The following C1QTNF2 variants were observed in gnomAD, a reference collection of about 807,000 sequenced individuals.
C1QTNF2 encodes the protein C1q and TNF related 2, also known as complement C1q tumor necrosis factor-related protein 2.
In C1QTNF2, 15 loss-of-function variants were observed where a neutral mutation model predicts 17.4. The observed-to-expected ratio is 0.86, with a 90% confidence interval of 0.58 to 1.33. C1QTNF2 has a LOEUF of 1.33. Among genes scored for constraint, C1QTNF2 ranks in the 40% most tolerant of loss-of-function variants. C1QTNF2 has a pLI of 0.00. For missense variants in C1QTNF2, 381 were observed against 392.3 expected (o/e 0.97, Z 0.24); for synonymous variants, 154 against 163.3 (o/e 0.94, Z 0.44).
chr5:160,367,090 A>G (rs1157117114), intron 1 of C1QTNF2, among the ~76,000 whole-genome samples: 1 of 152,082 alleles, frequency 6.6e-6, no homozygotes, highest in Non-Finnish European at 1.5e-5. Flanking sequence ...TTAAAAAGCT[A>G]TGGAACATGC....
intron 1 of C1QTNF2, among the ~76,000 whole-genome samples, chr5:160,367,713 G>A (rs780896068): frequency 6.6e-5 from 10 of 152,054 alleles, no homozygotes; most frequent in African/African-American, 2.2e-4. Flanking sequence ...GTGTTGTCAC[G>A]GTGCCCCACG....
intron 1 of C1QTNF2, among the ~76,000 whole-genome samples, chr5:160,362,765 G>A (rs1764177739): frequency 6.6e-6 from 1 of 152,124 alleles, no homozygotes; most frequent in Non-Finnish European, 1.5e-5. Context: ...TGAAGACTGG[G>A]GTCCCAGTCC....
At chr5:160,365,992 G>A (rs1230150168) in intron 1 of C1QTNF2, among the ~76,000 whole-genome samples, 1 of 152,164 alleles carries the variant, frequency 6.6e-6, no homozygotes, top group East Asian at 1.9e-4. Context: ...GGGAACAGGT[G>A]GTGTTTGGTT....
intron 1 of C1QTNF2, 56 bp from the exon 2 acceptor site, chr5:160,355,076 G>C (rs1764022826): frequency 7.4e-6 from 11 of 1,477,448 alleles, no homozygotes. Flanking sequence ...CTGACCTGGG[G>C]CTGGTCAGAG....
Position 160,356,103 on chromosome 5 carries a change from C to T in C1QTNF2, c.-9-1083G>A, listed in dbSNP as rs568483009. ...CTACTCCCTGCCCTCACTATGCATA[C>T]GCAGAAACTGAGACCCAGAGCAGAA... On this transcript the variant is annotated intron_variant, in intron 1 of 2. Transcript: ENST00000652664. Among the ~76,000 whole-genome samples, 10 of 152,356 alleles carry T rather than the reference C, an allele frequency of 6.6e-5. No individual in the cohort carries two copies. The South Asian group carries it at 1.7e-3, about 25-fold the overall frequency.
intron 1 of C1QTNF2, among the ~76,000 whole-genome samples, chr5:160,355,725 G>A (rs1764036090): frequency 1.3e-5 from 2 of 152,238 alleles, no homozygotes; most frequent in African/African-American, 4.8e-5. Context: ...GGGCCTGTGG[G>A]CCGCATGCAC....
At chr5:160,354,449 T>G (rs1763987649) in intron 2 of C1QTNF2, among the ~76,000 whole-genome samples, 1 of 151,470 alleles carries the variant, frequency 6.6e-6, no homozygotes. Context: ...AATGGTGGCA[T>G]GCATCTGTAA....
intron 2 of C1QTNF2, among the ~76,000 whole-genome samples, chr5:160,354,402 A>AC (rs1763987098): frequency 6.6e-6 from 1 of 150,636 alleles, no homozygotes; most frequent in Admixed American, 6.6e-5. Context: ...ACATGGTGAA[A>AC]CCCCCTCTCT....
intron 1 of C1QTNF2, among the ~76,000 whole-genome samples, chr5:160,367,653 C>G (rs900860194): frequency 2.6e-5 from 4 of 152,162 alleles, no homozygotes; most frequent in African/African-American, 7.2e-5. Flanking sequence ...CTTCCAGCCT[C>G]TAGGGATCGT....
At position 160,348,925 on chromosome 5, in the gene C1QTNF2, C is replaced by T; in HGVS notation, c.*243G>A. 1.0e-5 allele frequency: 5 copies of T among 484,766 alleles called. No homozygotes were observed. The highest frequency in any genetic ancestry group is 1.4e-5 in the Non-Finnish European group (4 of 277,978). The allele number at this position is 484,766 out of a possible 1,614,324, so 30.0% of individuals were successfully genotyped here. A position where few individuals can be genotyped will look rare whatever the true frequency, so the allele number is the denominator to read the frequency against. ...TACTCTGTCTTGTCCACTGCTGCAT[C>T]TTTCAGAGAATAGCATAGTGCCTGT... On this transcript the variant is annotated 3_prime_UTR_variant, in exon 3 of 3. Transcript: ENST00000652664.
chr5:160,362,797 G>A (rs1362225876), intron 1 of C1QTNF2, among the ~76,000 whole-genome samples: 1 of 152,106 alleles, frequency 6.6e-6, no homozygotes, highest in African/African-American at 2.4e-5. Flanking sequence ...CTTACTGATC[G>A]CGTGACTGTG....
chr5:160,365,360 G>T (rs1764228060), intron 1 of C1QTNF2, among the ~76,000 whole-genome samples: 1 of 152,188 alleles, frequency 6.6e-6, no homozygotes, highest in Non-Finnish European at 1.5e-5. Context: ...GTGAACCCAA[G>T]AACTTCCATG....
intron 1 of C1QTNF2, among the ~76,000 whole-genome samples, chr5:160,366,799 G>A (rs1764254847): frequency 6.8e-6 from 1 of 147,524 alleles, no homozygotes; most frequent in African/African-American, 2.4e-5. Context: ...CAAAGCAGGT[G>A]GAGTGCCTGA....
intron 1 of C1QTNF2, among the ~76,000 whole-genome samples, chr5:160,357,099 A>C (rs1764065419): frequency 6.6e-6 from 1 of 152,158 alleles, no homozygotes; most frequent in Admixed American, 6.5e-5. Flanking sequence ...GGCCCGCCCC[A>C]GTCGTGAAAC....
In C1QTNF2 at chr5:160,370,614, C is replaced by G. The variant is rs766542748; in HGVS notation, c.-112G>C. Reference sequence around the variant, plus strand: ...CAGCGGCAGCAGCCGGGCAGAGCGTCGGCCCCAGGCATAGTTTTCCCATCC... The same window carrying G: ...CAGCGGCAGCAGCCGGGCAGAGCGTGGGCCCCAGGCATAGTTTTCCCATCC... On this transcript the variant is annotated 5_prime_UTR_variant, in exon 1 of 3. Coordinates refer to ENST00000652664, the MANE Select transcript of C1QTNF2 (RefSeq NM_031908.6). The G allele has an allele frequency of 2.0e-5, 29 of 1,445,870 alleles. No individual in the cohort carries two copies. The highest frequency in any genetic ancestry group is 2.9e-5 in the Admixed American group (1 of 34,650). The allele number at this position is 1,445,870 out of a possible 1,614,324, so 89.6% of individuals were successfully genotyped here.
At chr5:160,363,661 G>T (rs1764194917) in intron 1 of C1QTNF2, among the ~76,000 whole-genome samples, 1 of 152,196 alleles carries the variant, frequency 6.6e-6, no homozygotes. Flanking sequence ...GTATAACGTG[G>T]TGGGCAGTGG....
At chr5:160,354,593 AAAAAGTATATATATAT>A (rs1561822743) in intron 2 of C1QTNF2, among the ~76,000 whole-genome samples, 159 bp downstream of exon 2, 2 of 30,560 alleles carry the variant, frequency 6.5e-5, no homozygotes, top group Non-Finnish European at 6.5e-5. Flanking sequence ...GGAAAAAAAA[AAAAAGTATATATATAT>A]ATATATATAT....
At chr5:160,356,833 G>A (rs72814352) in intron 1 of C1QTNF2, among the ~76,000 whole-genome samples, 24,415 of 151,998 alleles carry the variant, frequency 0.16, 2,084 homozygotes, top group Middle Eastern at 0.26. Context: ...CAGGCTTTTC[G>A]GCTGCCTCTG....
At chr5:160,350,898 C>A (rs1049695527) in intron 2 of C1QTNF2, among the ~76,000 whole-genome samples, 5 of 152,094 alleles carry the variant, frequency 3.3e-5, no homozygotes, top group Non-Finnish European at 5.9e-5. Flanking sequence ...CTACAGGCAC[C>A]TGCCACCACG....
Sources: gnomAD v4.1 joint callset for allele counts (sites outside exome capture counted in the v4.1 genomes callset) on GRCh38, gnomAD v4.1.1 for gene constraint, MANE v1.5 for transcripts, NCBI Gene and HGNC (gene_info 2026-07-23, HGNC 2026-07-21) for gene names.